HIVEP1: variants seen among roughly 807,000 people sequenced by gnomAD.
The protein encoded by HIVEP1 is HIVEP zinc finger 1.
HIVEP1 carries 36 observed loss-of-function variants against 180.0 expected under a neutral mutation model. That is an observed-to-expected ratio of 0.20 (90% CI 0.15 to 0.26). The LOEUF (loss-of-function observed/expected upper bound fraction) is 0.26. Among genes scored for constraint, HIVEP1 ranks in the 10% least tolerant of loss-of-function variants. The pLI is 1.00. For synonymous variants in HIVEP1, 1,239 were observed against 1,239.0 expected (o/e 1.00, Z 0.00); for missense variants, 3,143 against 3,268.7 (o/e 0.96, Z 0.94).
chr6:12,167,652 T>TGTGTATAATATATATGCATATATAC (rs1562023676), downstream of HIVEP1, among the ~76,000 whole-genome samples: 484 of 19,176 alleles, frequency 0.025, 15 homozygotes, highest in African/African-American at 0.089. Flanking sequence ...TATACATATA[T>TGTGTATAATATATATGCATATATAC]ATGTTATATA....
Position 12,130,871 on chromosome 6 carries a change from AAC to A in HIVEP1, c.6318_6319del (p.Ile2107ThrfsTer15). 6.2e-7 allele frequency: 1 copy of A among 1,613,494 alleles called. No individual in the cohort carries two copies. Among genetic ancestry groups the A allele is most frequent in the Non-Finnish European group, 8.5e-7 (1 of 1,179,434 alleles). ...TGTAAGAAACCTAGCATGTTAAAGA[AAC>A]ACATACGAACCCATACAGATGTCCG... On this transcript the variant is annotated frameshift_variant, in exon 6 of 9. Transcript: ENST00000379388. LOFTEE classifies it high-confidence loss of function.
At chr6:12,161,326 G>C in intron 7 of HIVEP1, 113 bp from the exon 8 acceptor site, 1 of 998,854 alleles carries the variant, frequency 1.0e-6, no homozygotes, top group Non-Finnish European at 1.5e-6. Context: ...TGTGGGCAGG[G>C]TCCTTGTCTT....
the HIVEP1 span, among the ~76,000 whole-genome samples, chr6:12,210,024 A>C: frequency 6.6e-6 from 1 of 152,000 alleles, no homozygotes; most frequent in Non-Finnish European, 1.5e-5. Context: ...AATCGCTTGA[A>C]CCTAGGAGAT....
intron 3 of HIVEP1, among the ~76,000 whole-genome samples, chr6:12,090,734 C>CTTTTT (rs1561929824): frequency 2.7e-4 from 28 of 103,104 alleles, no homozygotes; most frequent in African/African-American, 7.4e-4. Context: ...CTATAGCCAG[C>CTTTTT]CTTTTTTTTT....
chr6:12,042,305 T>A (rs995412214), intron 2 of HIVEP1, among the ~76,000 whole-genome samples: 1 of 149,254 alleles, frequency 6.7e-6, no homozygotes, highest in African/African-American at 2.5e-5. Context: ...ATGGTCTCCA[T>A]CTCCTGACCT....
Position 12,120,230 on chromosome 6 carries a change from A to G in HIVEP1, c.435A>G (p.Arg145=). 6.2e-7 allele frequency: 1 copy of G among 1,614,230 alleles called. No individual in the cohort carries two copies. Among genetic ancestry groups the G allele is most frequent in the East Asian group, 2.2e-5 (1 of 44,886 alleles). The part of the protein sequence containing the change: ...LFLQQPSELR[R]WRSEGADPAK... ...TGCAGCAACCATCTGAACTGCGTAG[A>G]TGGAGATCCGAAGGCGCTGATCCTG... is the stretch of plus-strand genomic sequence containing the variant. Residue 145 remains arginine, a synonymous_variant, in exon 4 of 9, where the codon AGA becomes AGG. Coordinates refer to ENST00000379388, the MANE Select transcript of HIVEP1 (RefSeq NM_002114.4).
Position 12,033,749 on chromosome 6 carries a change from A to C in HIVEP1, c.40+18081A>C, listed in dbSNP as rs568523508. On this transcript the variant is annotated intron_variant, in intron 2 of 8. Coordinates refer to ENST00000379388, the MANE Select transcript of HIVEP1 (RefSeq NM_002114.4). ...AGTACCTTATTCTAGAATACTTTTT[A>C]AAAAAATATTAAGTTTTTAAAAGCC... is the stretch of plus-strand genomic sequence containing the variant. 6.8e-4 allele frequency among the ~76,000 whole-genome samples: 103 copies of C among 152,256 alleles called. 1 individual carries two copies. Among genetic ancestry groups the C allele is most frequent in the African/African-American group, 2.3e-3 (94 of 41,552 alleles).
intron 3 of HIVEP1, among the ~76,000 whole-genome samples, chr6:12,108,699 G>C (rs1419292974): frequency 6.6e-6 from 1 of 152,194 alleles, no homozygotes; most frequent in Non-Finnish European, 1.5e-5. Flanking sequence ...GGCCCGCCAA[G>C]CCCACGCCCA....
At chr6:12,161,370 A>C in intron 7 of HIVEP1, 69 bp from the exon 8 acceptor site, 1 of 1,476,228 alleles carries the variant, frequency 6.8e-7, no homozygotes. Flanking sequence ...AACGTATAAA[A>C]AATTTTTAAA....
chr6:12,070,041 C>T (rs1011985309), intron 2 of HIVEP1, among the ~76,000 whole-genome samples: 1 of 152,140 alleles, frequency 6.6e-6, no homozygotes, highest in Non-Finnish European at 1.5e-5. Flanking sequence ...TACATCTTGT[C>T]CCACGGAAGG....
intron 2 of HIVEP1, among the ~76,000 whole-genome samples, chr6:12,036,581 A>G (rs1769289623): frequency 6.6e-6 from 1 of 152,184 alleles, no homozygotes; most frequent in Non-Finnish European, 1.5e-5. Context: ...GTAGGCGGAC[A>G]CATAAGCAGC....
intron 7 of HIVEP1, among the ~76,000 whole-genome samples, chr6:12,143,515 A>G (rs1759181530): frequency 6.6e-6 from 1 of 152,224 alleles, no homozygotes; most frequent in Admixed American, 6.5e-5. Context: ...TATTCAAAAT[A>G]GTGTTGGAAG....
Position 12,122,098 on chromosome 6 carries a change from A to G in HIVEP1, c.2303A>G (p.Lys768Arg). Residue 768 changes from lysine (K) to arginine (R), a missense_variant, in exon 4 of 9, where the codon AAG becomes AGG. Lys to Arg is a conservative substitution (Grantham distance 26). This residue lies in a region of HIVEP1 where 32 missense variants were observed against 70.0 expected (regional missense o/e 0.46). Transcript: ENST00000379388. ...LVDDKQLDSV[K>R]PRRTSLSRRG... ...GATGACAAGCAACTGGATAGTGTGA[A>G]GCCGCGGAGAACCTCACTGTCAAGA... The G allele has an allele frequency of 1.2e-6, 2 of 1,614,202 alleles. No homozygotes were observed. The highest frequency in any genetic ancestry group is 1.7e-6 in the Non-Finnish European group (2 of 1,180,020).
At chr6:12,139,547 G>A (rs1758892646) in intron 7 of HIVEP1, among the ~76,000 whole-genome samples, 1 of 152,248 alleles carries the variant, frequency 6.6e-6, no homozygotes, top group Non-Finnish European at 1.5e-5. Flanking sequence ...CCTCACCCAG[G>A]AAGCACAAGG....
At chr6:12,198,569 C>A in the HIVEP1 span, among the ~76,000 whole-genome samples, 11 of 152,124 alleles carry the variant, frequency 7.2e-5, no homozygotes, top group Non-Finnish European at 1.6e-4. Flanking sequence ...AAGGAGAGCC[C>A]CATAGGAAAT....
chr6:12,057,262 A>G (rs1770943868), intron 2 of HIVEP1, among the ~76,000 whole-genome samples: 1 of 152,208 alleles, frequency 6.6e-6, no homozygotes, highest in African/African-American at 2.4e-5. Context: ...AGGTGCATTT[A>G]AAAGTATTGC....
rs542485255 is a variant in HIVEP1, at chr6:12,078,661, A to G, written c.41-10523A>G. Among the ~76,000 whole-genome samples the G allele has an allele frequency of 2.8e-3, 401 of 143,666 alleles. 3 individuals carry two copies. The highest frequency in any genetic ancestry group is 9.4e-3 in the African/African-American group (381 of 40,522). 94.3% of individuals were successfully genotyped at this position (143,666 alleles called of 152,430 possible). ...CACACACACACACACATACATATAT[A>G]TACATATATATACACACACTATACA... is the stretch of plus-strand genomic sequence containing the variant. On this transcript the variant is annotated intron_variant, in intron 2 of 8. Transcript: ENST00000379388.
chr6:12,073,590 C>T (rs888973380), intron 2 of HIVEP1, among the ~76,000 whole-genome samples: 13 of 152,172 alleles, frequency 8.5e-5, no homozygotes, highest in East Asian at 3.9e-4. Context: ...TCACCTCCTT[C>T]GCATCTCAGC....
the HIVEP1 span, among the ~76,000 whole-genome samples, chr6:12,210,239 A>C: frequency 3.3e-5 from 5 of 152,360 alleles, no homozygotes; most frequent in East Asian, 7.7e-4. Flanking sequence ...AACAATCTGC[A>C]AGGTAGAAAG....
Sources: allele counts gnomAD v4.1 joint callset (sites outside exome capture counted in the v4.1 genomes callset), GRCh38; gene constraint gnomAD v4.1.1; regional missense constraint gnomAD v4.1.1; transcripts MANE v1.5; gene names NCBI Gene and HGNC (gene_info 2026-07-23, HGNC 2026-07-21).